The following SLC35D4 variants were observed in gnomAD, a reference collection of about 807,000 sequenced individuals.
SLC35D4 encodes UDP-N-acetylglucosamine transporter SLC35D4.
chr18:23,300,886 ATG>A, the SLC35D4 span, among the ~76,000 whole-genome samples: 1 of 152,202 alleles, frequency 6.6e-6, no homozygotes, highest in South Asian at 2.1e-4. Flanking sequence ...TCTTTCTCCT[ATG>A]AGGGACCGAA....
At chr18:23,340,468 G>A in the SLC35D4 span, among the ~76,000 whole-genome samples, 7,191 of 152,282 alleles carry the variant, frequency 0.047, 471 homozygotes, top group Admixed American at 0.18. Flanking sequence ...GGCATTTGAG[G>A]AGGTGCTTGT....
chr18:23,276,055 C>T, the SLC35D4 span, among the ~76,000 whole-genome samples: 1 of 152,056 alleles, frequency 6.6e-6, no homozygotes, highest in Admixed American at 6.6e-5. Flanking sequence ...ATATTTCATA[C>T]CACTGAACTG....
chr18:23,309,528 TA>T, the SLC35D4 span: 5 of 640,054 alleles, frequency 7.8e-6, no homozygotes, highest in Admixed American at 2.9e-5. Context: ...TTTTTTTTTT[TA>T]AAGAAAGCTT....
At chr18:23,276,334 C>T in the SLC35D4 span, among the ~76,000 whole-genome samples, 11 of 151,982 alleles carry the variant, frequency 7.2e-5, no homozygotes, top group Non-Finnish European at 1.5e-4. Flanking sequence ...GTGATCCACC[C>T]GCCTTGGCCT....
At chr18:23,271,888 T>C in the SLC35D4 span, among the ~76,000 whole-genome samples, 3 of 152,190 alleles carry the variant, frequency 2.0e-5, no homozygotes, top group African/African-American at 7.2e-5. Flanking sequence ...CTGGAAGGTT[T>C]TGCACTCAGA....
the SLC35D4 span, among the ~76,000 whole-genome samples, chr18:23,364,176 G>T: frequency 3.3e-5 from 5 of 152,158 alleles, no homozygotes; most frequent in African/African-American, 1.2e-4. Context: ...TAAGCACAGG[G>T]TAAGAGCTAG....
At chr18:23,373,753 G>A in the SLC35D4 span, 3 of 1,613,606 alleles carry the variant, frequency 1.9e-6, no homozygotes, top group South Asian at 1.1e-5. Context: ...GCGGCCAGGA[G>A]GAGGAGGGCA....
the SLC35D4 span, among the ~76,000 whole-genome samples, chr18:23,351,354 T>C: frequency 6.6e-6 from 1 of 151,580 alleles, no homozygotes; most frequent in Non-Finnish European, 1.5e-5. Flanking sequence ...TTGCAATGAG[T>C]TGAGATCATG....
chr18:23,406,478 A>G, the SLC35D4 span, among the ~76,000 whole-genome samples: 1 of 152,222 alleles, frequency 6.6e-6, no homozygotes, highest in Non-Finnish European at 1.5e-5. Flanking sequence ...AAGTAAGCAG[A>G]CCACACCTAA....
the SLC35D4 span, among the ~76,000 whole-genome samples, chr18:23,402,861 C>T: frequency 2.6e-5 from 4 of 152,054 alleles, no homozygotes; most frequent in Non-Finnish European, 5.9e-5. Flanking sequence ...AATCCCAGCA[C>T]TTTGGGAGGC....
At chr18:23,337,002 A>T in the SLC35D4 span, among the ~76,000 whole-genome samples, 1 of 147,912 alleles carries the variant, frequency 6.8e-6, no homozygotes, top group Non-Finnish European at 1.5e-5. Flanking sequence ...TTTCCCCTGT[A>T]GTGTGTGTGT....
At chr18:23,290,857 C>T in the SLC35D4 span, among the ~76,000 whole-genome samples, 1,312 of 151,320 alleles carry the variant, frequency 8.7e-3, 15 homozygotes, top group African/African-American at 0.03. Flanking sequence ...AGGCTGGTCT[C>T]GAACTCCTGA....
chr18:23,398,199 G>A, the SLC35D4 span, among the ~76,000 whole-genome samples: 1 of 152,104 alleles, frequency 6.6e-6, no homozygotes, highest in Non-Finnish European at 1.5e-5. Flanking sequence ...TCTGTCAAAA[G>A]ATTGCAAGAA....
chr18:23,430,771 C>T, the SLC35D4 span: 1 of 1,217,396 alleles, frequency 8.2e-7, no homozygotes, highest in South Asian at 1.3e-5. Context: ...AACATAACCA[C>T]ATAACCTAAG....
At chr18:23,370,992 C>G in the SLC35D4 span, among the ~76,000 whole-genome samples, 1 of 152,100 alleles carries the variant, frequency 6.6e-6, no homozygotes, top group South Asian at 2.1e-4. Context: ...TTTAATTTTC[C>G]AAGGTCACCA....
chr18:23,427,723 T>C, the SLC35D4 span, among the ~76,000 whole-genome samples: 1 of 152,204 alleles, frequency 6.6e-6, no homozygotes, highest in Admixed American at 6.5e-5. Flanking sequence ...TGCACACATA[T>C]GTTTATTGCG....
At chr18:23,257,258 G>A in the SLC35D4 span, 4 of 1,611,560 alleles carry the variant, frequency 2.5e-6, no homozygotes, top group East Asian at 2.2e-5. Flanking sequence ...CTGAACAGGC[G>A]AGAACTGATT....
the SLC35D4 span, among the ~76,000 whole-genome samples, chr18:23,327,731 G>T: frequency 6.6e-6 from 1 of 152,132 alleles, no homozygotes; most frequent in African/African-American, 2.4e-5. Context: ...TGATACCAAA[G>T]CTTGGCAGAG....
chr18:23,434,819 A>T, the SLC35D4 span, among the ~76,000 whole-genome samples: 24 of 151,724 alleles, frequency 1.6e-4, no homozygotes, highest in Non-Finnish European at 2.8e-4. Context: ...AATTTATAAA[A>T]GGCCATGGGG....
Sources: allele counts gnomAD v4.1 joint callset (sites outside exome capture counted in the v4.1 genomes callset), GRCh38; gene constraint gnomAD v4.1.1; transcripts MANE v1.5; gene names NCBI Gene and HGNC (gene_info 2026-07-23, HGNC 2026-07-21).